Variants in LRRTM4 observed in about 807,000 individuals in gnomAD.
LRRTM4 encodes leucine-rich repeat transmembrane neuronal protein 4.
In LRRTM4, 25 loss-of-function variants were observed where a neutral mutation model predicts 47.6. That is an observed-to-expected ratio of 0.53 (90% CI 0.38 to 0.73). The LOEUF (loss-of-function observed/expected upper bound fraction) is 0.73. Among genes scored for constraint, LRRTM4 ranks in the 30% least tolerant of loss-of-function variants. The pLI, the probability that LRRTM4 is intolerant of heterozygous loss-of-function variation, is 0.00. For missense variants in LRRTM4, 638 were observed against 713.4 expected (o/e 0.89, Z 1.20); for synonymous variants, 311 against 269.5 (o/e 1.15, Z -1.51).
intron 3 of LRRTM4, among the ~76,000 whole-genome samples, chr2:76,970,670 C>T (rs182353326): frequency 1.3e-5 from 2 of 152,160 alleles, no homozygotes; most frequent in South Asian, 2.1e-4. Flanking sequence ...ACCATCTTCA[C>T]ATATGTTCTG....
intron 3 of LRRTM4, among the ~76,000 whole-genome samples, chr2:77,057,295 CAT>C (rs1679640842): frequency 6.6e-6 from 1 of 152,204 alleles, no homozygotes; most frequent in South Asian, 2.1e-4. Flanking sequence ...TACCATAAAA[CAT>C]ATGCATATGT....
intron 3 of LRRTM4, among the ~76,000 whole-genome samples, chr2:77,405,189 C>T (rs1674133214): frequency 6.6e-6 from 1 of 152,096 alleles, no homozygotes; most frequent in South Asian, 2.1e-4. Context: ...ATCAGTCTCA[C>T]TCTAATTGCA....
chr2:76,962,384 CCCTTTTCT>C (rs1675888805), intron 3 of LRRTM4, among the ~76,000 whole-genome samples: 1 of 151,058 alleles, frequency 6.6e-6, no homozygotes, highest in South Asian at 2.1e-4. Flanking sequence ...CCTTCCACCT[CCCTTTTCT>C]CATGCCTCAA....
intron 3 of LRRTM4, among the ~76,000 whole-genome samples, chr2:77,061,904 A>T (rs1679799683): frequency 6.6e-6 from 1 of 151,998 alleles, no homozygotes; most frequent in African/African-American, 2.4e-5. Context: ...TCTACATAGT[A>T]TTTAATAGTT....
chr2:77,255,393 C>A (rs375260790), intron 3 of LRRTM4, among the ~76,000 whole-genome samples: 7 of 152,056 alleles, frequency 4.6e-5, no homozygotes, highest in South Asian at 2.1e-4. Flanking sequence ...TATATAAGAA[C>A]CAGTATCACT....
chr2:76,984,853 G>A (rs1676737790), intron 3 of LRRTM4, among the ~76,000 whole-genome samples: 1 of 151,922 alleles, frequency 6.6e-6, no homozygotes, highest in Non-Finnish European at 1.5e-5. Flanking sequence ...TTAACATGAT[G>A]AAAAAATTGA....
chr2:77,503,284 G>A (rs1678644154), intron 3 of LRRTM4, among the ~76,000 whole-genome samples: 1 of 151,502 alleles, frequency 6.6e-6, no homozygotes, highest in Non-Finnish European at 1.5e-5. Flanking sequence ...TTATTTAGGA[G>A]GTAAAATCAG....
chr2:77,105,785 G>A (rs1203754791), intron 3 of LRRTM4, among the ~76,000 whole-genome samples: 5 of 152,122 alleles, frequency 3.3e-5, no homozygotes, highest in African/African-American at 4.8e-5. Flanking sequence ...AAATAAGTTT[G>A]CCTGTTTTGA....
intron 3 of LRRTM4, among the ~76,000 whole-genome samples, chr2:76,957,834 T>C (rs971832630): frequency 1.3e-5 from 2 of 151,738 alleles, no homozygotes; most frequent in Non-Finnish European, 2.9e-5. Context: ...TCAAAACATA[T>C]GTGCTTATGA....
intron 3 of LRRTM4, among the ~76,000 whole-genome samples, chr2:77,442,902 T>A (rs1257768117): frequency 6.6e-6 from 1 of 152,188 alleles, no homozygotes; most frequent in East Asian, 1.9e-4. Flanking sequence ...AAGATTAGTC[T>A]AAGCATTCAT....
intron 3 of LRRTM4, among the ~76,000 whole-genome samples, chr2:77,479,801 CTCTT>C (rs1183710999): frequency 7.2e-5 from 11 of 151,990 alleles, no homozygotes; most frequent in African/African-American, 2.4e-4. Context: ...CTTTCTCTCT[CTCTT>C]TCTCATCTAG....
chr2:76,982,176 G>A (rs1676634357), intron 3 of LRRTM4, among the ~76,000 whole-genome samples: 2 of 152,026 alleles, frequency 1.3e-5, no homozygotes, highest in Admixed American at 6.6e-5. Flanking sequence ...TTCACCTGAA[G>A]AGAAAATCAG....
chr2:77,347,104 C>A (rs1458502686), intron 3 of LRRTM4, among the ~76,000 whole-genome samples: 1 of 152,140 alleles, frequency 6.6e-6, no homozygotes, highest in African/African-American at 2.4e-5. Context: ...TCTCTCTCTA[C>A]TGTCTCTGAT....
chr2:76,935,568 T>A (rs1044862209), intron 3 of LRRTM4, among the ~76,000 whole-genome samples: 1 of 152,164 alleles, frequency 6.6e-6, no homozygotes, highest in African/African-American at 2.4e-5. Flanking sequence ...GTCCTTCACA[T>A]CCCTTGTAAG....
chr2:77,506,243 A>C (rs1678766922), intron 3 of LRRTM4, among the ~76,000 whole-genome samples: 1 of 151,702 alleles, frequency 6.6e-6, no homozygotes, highest in Admixed American at 6.6e-5. Flanking sequence ...GCAGGAAAAA[A>C]ACAAGTTAGT....
intron 3 of LRRTM4, among the ~76,000 whole-genome samples, chr2:77,137,381 G>A (rs1028607624): frequency 1.6e-4 from 25 of 151,806 alleles, no homozygotes; most frequent in East Asian, 3.9e-4. Flanking sequence ...ACTAAGCTTC[G>A]TAAGTGAAGG....
At chr2:77,003,966 C>A (rs916149144) in intron 3 of LRRTM4, among the ~76,000 whole-genome samples, 5 of 152,134 alleles carry the variant, frequency 3.3e-5, no homozygotes, top group African/African-American at 1.2e-4. Context: ...GTCACTCTTC[C>A]TATGCAAAGA....
intron 3 of LRRTM4, among the ~76,000 whole-genome samples, chr2:76,759,461 C>A (rs1419976441): frequency 2.0e-5 from 3 of 152,156 alleles, no homozygotes; most frequent in Non-Finnish European, 4.4e-5. Context: ...TAAAAGCCCA[C>A]TGACCTTTTA....
intron 3 of LRRTM4, among the ~76,000 whole-genome samples, chr2:76,866,032 G>C (rs1252035654): frequency 6.6e-6 from 1 of 152,094 alleles, no homozygotes; most frequent in Non-Finnish European, 1.5e-5. Context: ...TAGCCACCGT[G>C]AAAGGAGCAA....
Sources: allele counts gnomAD v4.1 joint callset (sites outside exome capture counted in the v4.1 genomes callset), GRCh38; gene constraint gnomAD v4.1.1; transcripts MANE v1.5; gene names NCBI Gene and HGNC (gene_info 2026-07-23, HGNC 2026-07-21).